Variants in KCNIP1 observed in about 807,000 individuals in gnomAD.
The protein encoded by KCNIP1 is potassium voltage-gated channel interacting protein 1.
In KCNIP1, 18 loss-of-function variants were observed where a neutral mutation model predicts 33.0. The observed-to-expected ratio is 0.55, with a 90% CI of 0.38 to 0.81. The LOEUF (loss-of-function observed/expected upper bound fraction) is 0.81. Among genes scored for constraint, KCNIP1 ranks in the 30% least tolerant of loss-of-function variants. The pLI is 0.00. For synonymous variants in KCNIP1, 93 were observed against 98.3 expected, an observed-to-expected ratio of 0.95 and a Z score of 0.32; for missense variants, 238 against 271.6, an observed-to-expected ratio of 0.88 and a Z score of 0.87.
In KCNIP1 at chr5:170,551,299, C is replaced by G. The variant is rs192442403; in HGVS notation, c.61+46666C>G. ...CTCCATTTATCTGTATAACCCTCAC[C>G]ACTTCTAAGATTACGTTATTATCTG... is the stretch of plus-strand genomic sequence containing the variant. On this transcript the variant is annotated intron_variant, in intron 1 of 7. Transcript: ENST00000328939. Among the ~76,000 whole-genome samples, 305 of 152,268 alleles carry G rather than the reference C, an allele frequency of 2.0e-3. 1 individual carries two copies. Among genetic ancestry groups the G allele is most frequent in the Middle Eastern group, 6.8e-3 (2 of 294 alleles).
At chr5:170,386,303 G>A (rs1415808589) in intron 1 of KCNIP1, among the ~76,000 whole-genome samples, 2 of 152,192 alleles carry the variant, frequency 1.3e-5, no homozygotes, top group East Asian at 3.9e-4. Flanking sequence ...AGAGTGATGT[G>A]ACCACAGGCC....
rs191585559 is a variant in KCNIP1, at chr5:170,410,223, C to A, written c.88+56259C>A. The stretch of plus-strand genomic sequence containing the variant: ...CCTGGGTCCCCCACTCAGGGGATTG[C>A]AGACATAGCATGGGTGCACCTGGGT... On this transcript the variant is annotated intron_variant, in intron 1 of 7. Transcript: ENST00000377360. 2.6e-3 allele frequency among the ~76,000 whole-genome samples: 400 copies of A among 152,266 alleles called. 2 individuals are homozygous for A. Among genetic ancestry groups the A allele is most frequent in the Non-Finnish European group, 4.4e-3 (296 of 68,016 alleles).
Position 170,444,213 on chromosome 5 carries a change from G to T in KCNIP1, c.88+90249G>T, listed in dbSNP as rs184234877. Among the ~76,000 whole-genome samples, 487 of 152,254 alleles carry T rather than the reference G, an allele frequency of 3.2e-3. 9 individuals are homozygous for T. Among genetic ancestry groups the T allele is most frequent in the African/African-American group, 0.011 (465 of 41,530 alleles). ...GACTCTCCCTGGGCTGGATCCGGGT[G>T]TTGGCAGAGCTGCGTTCCTTCTGGG... On this transcript the variant is annotated intron_variant, in intron 1 of 7. Transcript: ENST00000377360.
chr5:170,397,600 G>A (rs536972045), intron 1 of KCNIP1, among the ~76,000 whole-genome samples: 19 of 152,284 alleles, frequency 1.2e-4, no homozygotes, highest in African/African-American at 3.9e-4. Flanking sequence ...GGAGCCCCAG[G>A]CTGGTAAGAG....
At chr5:170,539,320 A>C (rs1411519183) in intron 1 of KCNIP1, among the ~76,000 whole-genome samples, 1 of 152,158 alleles carries the variant, frequency 6.6e-6, no homozygotes, top group Non-Finnish European at 1.5e-5. Context: ...TGGTCCTTGG[A>C]GTGAAATCCA....
chr5:170,378,884 G>T (rs1362740586), intron 1 of KCNIP1: 1 of 1,614,234 alleles, frequency 6.2e-7, no homozygotes, highest in Admixed American at 1.7e-5. Context: ...AGCAGTAGAA[G>T]ACCTGCTGCT....
At chr5:170,362,418 G>A (rs537526562) in intron 1 of KCNIP1, among the ~76,000 whole-genome samples, 2 of 152,162 alleles carry the variant, frequency 1.3e-5, no homozygotes, top group East Asian at 1.9e-4. Flanking sequence ...TCTTGTTTTC[G>A]AAATCAAGAC....
At chr5:170,625,892 G>A (rs1002678668) in intron 1 of KCNIP1, among the ~76,000 whole-genome samples, 4 of 152,168 alleles carry the variant, frequency 2.6e-5, no homozygotes, top group African/African-American at 4.8e-5. Context: ...GTGAGACTGC[G>A]ACAAGACAGA....
At chr5:170,452,491 G>A (rs1756278762) in intron 1 of KCNIP1, among the ~76,000 whole-genome samples, 1 of 152,156 alleles carries the variant, frequency 6.6e-6, no homozygotes, top group African/African-American at 2.4e-5. Context: ...AGCTGGTGAT[G>A]GGTCCAGAGA....
chr5:170,466,063 A>G (rs1756602846), intron 1 of KCNIP1, among the ~76,000 whole-genome samples: 1 of 152,174 alleles, frequency 6.6e-6, no homozygotes, highest in Non-Finnish European at 1.5e-5. Context: ...TCCAGTAAAG[A>G]AATAATAGTG....
At position 170,718,662 on chromosome 5, in the gene KCNIP1, C is replaced by T; in HGVS notation, c.62-96C>T. 3.4e-6 allele frequency: 5 copies of T among 1,455,886 alleles called. No homozygotes were observed. In the South Asian group the frequency reaches 4.9e-5, roughly 14 times the overall value. 90.2% of individuals were successfully genotyped at this position (1,455,886 alleles called of 1,614,324 possible). On this transcript the variant is annotated intron_variant, in intron 1 of 7. Transcript: ENST00000328939. ...GACCCCAGCCCACAGTCCTAGATCC[C>T]AGGTCGTGACACCACTCTTTTGACA...
chr5:170,594,573 C>T (rs901902981), intron 1 of KCNIP1, among the ~76,000 whole-genome samples: 17 of 152,128 alleles, frequency 1.1e-4, no homozygotes, highest in Admixed American at 6.5e-5. Flanking sequence ...TGCAGTGGCA[C>T]AGTCTCGGCT....
At chr5:170,392,828 A>AAAAC (rs952915775) in intron 1 of KCNIP1, among the ~76,000 whole-genome samples, 1 of 152,200 alleles carries the variant, frequency 6.6e-6, no homozygotes, top group African/African-American at 2.4e-5. Context: ...CATCTAAACC[A>AAAAC]AAACAAACAA....
intron 1 of KCNIP1, among the ~76,000 whole-genome samples, chr5:170,633,415 G>A (rs1261078186): frequency 1.3e-5 from 2 of 151,600 alleles, no homozygotes; most frequent in Non-Finnish European, 2.9e-5. Context: ...GTGGCTTGGA[G>A]TAAGACCTGA....
chr5:170,624,705 G>A (rs949927373), intron 1 of KCNIP1, among the ~76,000 whole-genome samples: 1 of 127,330 alleles, frequency 7.9e-6, no homozygotes, highest in Non-Finnish European at 1.7e-5. Flanking sequence ...AGAGGGGAGG[G>A]GAGGAGAGGA....
intron 1 of KCNIP1, among the ~76,000 whole-genome samples, chr5:170,644,798 A>C (rs1050843187): frequency 4.6e-5 from 7 of 152,218 alleles, no homozygotes; most frequent in African/African-American, 1.7e-4. Flanking sequence ...TCTTTGCTAC[A>C]GTGATTATGG....
At chr5:170,400,712 G>A (rs1754881807) in intron 1 of KCNIP1, among the ~76,000 whole-genome samples, 1 of 152,190 alleles carries the variant, frequency 6.6e-6, no homozygotes, top group South Asian at 2.1e-4. Flanking sequence ...GGACACTGAG[G>A]TGGAAACACA....
intron 1 of KCNIP1, among the ~76,000 whole-genome samples, chr5:170,570,082 G>A (rs1424114847): frequency 1.3e-5 from 2 of 152,164 alleles, no homozygotes; most frequent in African/African-American, 2.4e-5. Context: ...GATGTCGTAC[G>A]TGGCAGAGCC....
rs1208653398 is a variant in KCNIP1 at position 170,735,865 on chromosome 5, C to A, written c.*59C>A. On this transcript the variant is annotated 3_prime_UTR_variant, in exon 8 of 8. Coordinates refer to ENST00000328939, the MANE Select transcript of KCNIP1 (RefSeq NM_014592.4). ...ATTGTACTAAACAACCACCTTAACA[C>A]CCTGATCTGCCCTTGTTCTGATTTT... The A allele has an allele frequency of 2.2e-6, 3 of 1,384,722 alleles. No individual in the cohort carries two copies. Among genetic ancestry groups the A allele is most frequent in the Admixed American group, 3.4e-5 (2 of 59,560 alleles). 85.8% of individuals were successfully genotyped at this position (1,384,722 alleles called of 1,614,324 possible).
Sources: allele counts gnomAD v4.1 joint callset (sites outside exome capture counted in the v4.1 genomes callset), GRCh38; gene constraint gnomAD v4.1.1; transcripts MANE v1.5; gene names NCBI Gene and HGNC (gene_info 2026-07-23, HGNC 2026-07-21).